The following RHOBTB1 variants were observed in gnomAD, a reference collection of about 807,000 sequenced individuals.
RHOBTB1 encodes Rho related BTB domain containing 1.
A neutral mutation model predicts 71.6 loss-of-function variants in RHOBTB1; 40 were observed. The ratio of observed to expected loss-of-function variants is 0.56; its 90% CI spans 0.43 to 0.73. The LOEUF (loss-of-function observed/expected upper bound fraction) is 0.73. Among genes scored for constraint, RHOBTB1 ranks in the 30% least tolerant of loss-of-function variants. The probability of loss-of-function intolerance (pLI) is 0.00; values close to 1 mark genes in which losing one functional copy is unlikely to be tolerated. For synonymous variants in RHOBTB1, 319 were observed against 334.9 expected, an observed-to-expected ratio of 0.95 and a Z score of 0.52; for missense variants, 797 against 894.0, an observed-to-expected ratio of 0.89 and a Z score of 1.38.
chr10:60,917,330 G>C (rs1343918201), intron 2 of RHOBTB1, among the ~76,000 whole-genome samples: 2 of 152,106 alleles, frequency 1.3e-5, no homozygotes, highest in East Asian at 3.9e-4. Flanking sequence ...TACTGTGGCA[G>C]CTCTGTCACA....
the RHOBTB1 span, among the ~76,000 whole-genome samples, chr10:60,863,240 T>C: frequency 6.6e-6 from 1 of 152,244 alleles, no homozygotes; most frequent in Admixed American, 6.5e-5. Flanking sequence ...TGAAGCCCTT[T>C]CAAATAAGCC....
intron 7 of RHOBTB1, among the ~76,000 whole-genome samples, chr10:60,878,761 G>A (rs1441235402): frequency 6.6e-6 from 1 of 152,212 alleles, no homozygotes; most frequent in African/African-American, 2.4e-5. Flanking sequence ...AGTGCCTGTA[G>A]TTGTCCATAT....
downstream of RHOBTB1, among the ~76,000 whole-genome samples, chr10:60,867,400 A>G (rs1335423964): frequency 6.6e-6 from 1 of 152,238 alleles, no homozygotes; most frequent in Non-Finnish European, 1.5e-5. Context: ...GAACATATTC[A>G]AAGAACTTAA....
chr10:60,959,892 T>C (rs545733401), intron 2 of RHOBTB1, among the ~76,000 whole-genome samples: 4 of 152,304 alleles, frequency 2.6e-5, no homozygotes, highest in African/African-American at 9.6e-5. Context: ...AATACAATTA[T>C]GTAAATGGAG....
chr10:60,910,608 C>A (rs771541311), intron 4 of RHOBTB1, among the ~76,000 whole-genome samples: 2 of 152,166 alleles, frequency 1.3e-5, no homozygotes, highest in East Asian at 3.9e-4. Context: ...CAAAGCAGCC[C>A]GCAGTTGGAG....
chr10:60,904,386 C>G (rs1465640191), intron 4 of RHOBTB1, among the ~76,000 whole-genome samples: 1 of 152,194 alleles, frequency 6.6e-6, no homozygotes, highest in Admixed American at 6.5e-5. Flanking sequence ...ACATTTCCAT[C>G]ACCCCTAAAA....
At chr10:60,952,529 C>A (rs969696980) in intron 2 of RHOBTB1, among the ~76,000 whole-genome samples, 1 of 152,104 alleles carries the variant, frequency 6.6e-6, no homozygotes, top group Non-Finnish European at 1.5e-5. Flanking sequence ...AGCCGAGGAT[C>A]AAAAAGAGCA....
At chr10:60,878,204 C>T in intron 7 of RHOBTB1, 146 bp from the exon 8 acceptor site, 1 of 615,444 alleles carries the variant, frequency 1.6e-6, no homozygotes, top group Admixed American at 3.3e-5. Context: ...AGGAATCCTT[C>T]AGTATTTATG....
At chr10:60,869,406 T>C (rs113783815), downstream of RHOBTB1, 2,416 of 152,714 alleles carry the variant, frequency 0.016, 30 homozygotes, top group Non-Finnish European at 0.023. Flanking sequence ...ACACACAATA[T>C]GATGTCTGTC....
In RHOBTB1 at chr10:60,932,717, A is replaced by G. The variant is rs2084333756; in HGVS notation, c.-11+9087T>C. ...TAAATTAAAAAAGATTTAAAAATTT[A>G]CAGAATAACACCACTCCTTAAAAAT... On this transcript the variant is annotated intron_variant, in intron 2 of 10. Transcript: ENST00000337910. Among the ~76,000 whole-genome samples the G allele has an allele frequency of 2.0e-5, 3 of 152,190 alleles. No homozygotes were observed. The South Asian group carries it at 6.2e-4, about 32-fold the overall frequency.
chr10:60,925,829 GAC>G (rs1277750768), intron 2 of RHOBTB1, among the ~76,000 whole-genome samples: 2 of 152,110 alleles, frequency 1.3e-5, no homozygotes, highest in Non-Finnish European at 2.9e-5. Context: ...CAAATTCCTA[GAC>G]ATATACAGCC....
chr10:60,927,963 G>A (rs993569023), intron 2 of RHOBTB1, among the ~76,000 whole-genome samples: 1 of 151,830 alleles, frequency 6.6e-6, no homozygotes, highest in African/African-American at 2.4e-5. Flanking sequence ...GAATATATGA[G>A]CAGCTCAAAC....
downstream of RHOBTB1, among the ~76,000 whole-genome samples, chr10:60,865,327 A>T (rs977064873): frequency 6.6e-6 from 1 of 152,220 alleles, no homozygotes; most frequent in Non-Finnish European, 1.5e-5. Context: ...CTCACTAGGG[A>T]ATTTTTCCTC....
chr10:60,886,726 G>A (rs10082528), intron 6 of RHOBTB1, among the ~76,000 whole-genome samples: 1 of 140,256 alleles, frequency 7.1e-6, no homozygotes, highest in Non-Finnish European at 1.6e-5. Flanking sequence ...GTGGGGGGGG[G>A]TGGGTCTGGC....
intron 2 of RHOBTB1, among the ~76,000 whole-genome samples, chr10:60,923,642 C>A (rs2083693254): frequency 6.6e-6 from 1 of 152,158 alleles, no homozygotes; most frequent in African/African-American, 2.4e-5. Flanking sequence ...GTGTCTCCAT[C>A]CAAATCTCAT....
chr10:60,904,534 T>A (rs1425736364), intron 4 of RHOBTB1, among the ~76,000 whole-genome samples: 1 of 152,206 alleles, frequency 6.6e-6, no homozygotes, highest in African/African-American at 2.4e-5. Context: ...TATGTGCTCT[T>A]TTTTGCTTGG....
At chr10:60,873,397 CACTT>C (rs1310280200) in intron 9 of RHOBTB1, among the ~76,000 whole-genome samples, 1 of 152,206 alleles carries the variant, frequency 6.6e-6, no homozygotes, top group East Asian at 1.9e-4. Context: ...GACTGTTAAA[CACTT>C]ACCAGCACAT....
At chr10:60,906,554 G>T (rs1283802631) in intron 4 of RHOBTB1, among the ~76,000 whole-genome samples, 2 of 152,200 alleles carry the variant, frequency 1.3e-5, no homozygotes, top group Admixed American at 6.5e-5. Flanking sequence ...AAGTCCAGCT[G>T]CACTCTGTCC....
At chr10:60,944,380 G>A (rs1465754233), upstream of RHOBTB1, 1 of 152,272 alleles carries the variant, frequency 6.6e-6, no homozygotes, top group East Asian at 1.9e-4. Flanking sequence ...TTTCATTCAT[G>A]AAACCGGGGC....
Sources: allele counts gnomAD v4.1 joint callset (sites outside exome capture counted in the v4.1 genomes callset), GRCh38; gene constraint gnomAD v4.1.1; transcripts MANE v1.5; gene names NCBI Gene and HGNC (gene_info 2026-07-23, HGNC 2026-07-21).